Variants in RBFOX1 observed in about 807,000 individuals in gnomAD.
The protein encoded by RBFOX1 is RNA binding protein fox-1 homolog 1.
In RBFOX1, 8 loss-of-function variants were observed where a neutral mutation model predicts 57.7. That is an observed-to-expected ratio of 0.14 (90% confidence interval 0.08 to 0.25). The LOEUF (loss-of-function observed/expected upper bound fraction) is 0.25, where lower values mean the gene tolerates loss of function less well. Among genes scored for constraint, RBFOX1 ranks in the 10% least tolerant of loss-of-function variants. RBFOX1 has a pLI of 1.00. For synonymous variants in RBFOX1, 326 were observed against 222.4 expected (o/e 1.47, Z -4.15); for missense variants, 611 against 548.5 (o/e 1.11, Z -1.14).
At chr16:6,641,261 T>C (rs1198114169) in intron 2 of RBFOX1, among the ~76,000 whole-genome samples, 1 of 152,166 alleles carries the variant, frequency 6.6e-6, no homozygotes, top group East Asian at 1.9e-4. Context: ...ACATTCCTGT[T>C]GACGTCAGAG....
intron 5 of RBFOX1, among the ~76,000 whole-genome samples, chr16:7,575,666 A>G (rs1041981994): frequency 1.3e-5 from 2 of 152,196 alleles, no homozygotes; most frequent in African/African-American, 4.8e-5. Context: ...CTACAACTAC[A>G]GGAGAATGAA....
rs143958860 is a variant in RBFOX1, at chr16:7,136,541, G to A, written c.27+84443G>A. ...CTAACCTCATCCGCTCGAGTAGCTGGGATTACAGGTGCACGCCACCACACC... is the reference window on the plus strand; with the variant it reads ...CTAACCTCATCCGCTCGAGTAGCTGAGATTACAGGTGCACGCCACCACACC... On this transcript the variant is annotated intron_variant, in intron 4 of 15. Coordinates refer to ENST00000550418, the MANE Select transcript of RBFOX1 (RefSeq NM_018723.4). Among the ~76,000 whole-genome samples, 384 of 151,832 alleles carry A rather than the reference G, an allele frequency of 2.5e-3. 2 individuals carry two copies. The highest frequency in any genetic ancestry group is 8.6e-3 in the African/African-American group (354 of 41,356).
In RBFOX1 at chr16:7,710,163, C is replaced by T. The variant is rs140480319; in HGVS notation, c.1072-460C>T. ...TCCCTTCTCAAGATCAGATTCCATA[C>T]AGCTTACAGAGCCAAGTTAAGTAAG... On this transcript the variant is annotated intron_variant, in intron 15 of 15. Transcript: ENST00000550418. 4.9e-6 allele frequency: 5 copies of T among 1,029,568 alleles called. No homozygotes were observed. The African/African-American group carries it at 5.2e-5, about 11-fold the overall frequency. The allele number at this position is 1,029,568 out of a possible 1,614,324, so 63.8% of individuals were successfully genotyped here.
intron 3 of RBFOX1, among the ~76,000 whole-genome samples, chr16:6,857,103 A>G (rs1395896641): frequency 6.6e-6 from 1 of 152,158 alleles, no homozygotes; most frequent in East Asian, 1.9e-4. Flanking sequence ...GATTGCTTCA[A>G]AAACCCTGAC....
At chr16:7,396,647 C>A (rs537560420) in intron 4 of RBFOX1, among the ~76,000 whole-genome samples, 119 of 152,298 alleles carry the variant, frequency 7.8e-4, no homozygotes, top group African/African-American at 2.7e-3. Context: ...CTTCTCAAAA[C>A]ACAGCAGGTG....
intron 2 of RBFOX1, among the ~76,000 whole-genome samples, chr16:6,378,935 G>C (rs763914203): frequency 7.2e-5 from 11 of 152,150 alleles, no homozygotes; most frequent in Non-Finnish European, 1.5e-4. Context: ...CACTGATCTT[G>C]TTGAGAGAGG....
chr16:6,144,966 C>G (rs1395373654), intron 1 of RBFOX1, among the ~76,000 whole-genome samples: 1 of 152,036 alleles, frequency 6.6e-6, no homozygotes, highest in Non-Finnish European at 1.5e-5. Flanking sequence ...CAAGAGAAGT[C>G]CTGGACATCA....
chr16:6,812,333 C>T (rs2088882688), intron 3 of RBFOX1, among the ~76,000 whole-genome samples: 1 of 152,110 alleles, frequency 6.6e-6, no homozygotes, highest in Non-Finnish European at 1.5e-5. Flanking sequence ...AAACACAATG[C>T]AAAGTGCCAA....
At chr16:6,620,130 C>T (rs2098206479) in intron 2 of RBFOX1, among the ~76,000 whole-genome samples, 1 of 152,078 alleles carries the variant, frequency 6.6e-6, no homozygotes, top group South Asian at 2.1e-4. Flanking sequence ...TTAGGTTAAA[C>T]TGAAATCATA....
chr16:5,425,512 G>A (rs1002709261), intron 1 of RBFOX1, among the ~76,000 whole-genome samples: 1 of 152,182 alleles, frequency 6.6e-6, no homozygotes, highest in African/African-American at 2.4e-5. Flanking sequence ...CAGGGAAAGA[G>A]GACCCAGAGA....
chr16:5,685,816 A>G (rs1441969064), intron 3 of RBFOX1, among the ~76,000 whole-genome samples: 5 of 152,216 alleles, frequency 3.3e-5, no homozygotes, highest in Non-Finnish European at 7.3e-5. Context: ...CTGAAGATGT[A>G]TGCTCCTAGT....
intron 4 of RBFOX1, among the ~76,000 whole-genome samples, chr16:7,342,188 C>G (rs1568309022): frequency 6.6e-6 from 1 of 152,160 alleles, no homozygotes; most frequent in Non-Finnish European, 1.5e-5. Flanking sequence ...GTTGCTTGAC[C>G]TCTCTGAACC....
At chr16:6,829,246 GA>G (rs60363543) in intron 3 of RBFOX1, among the ~76,000 whole-genome samples, 78,242 of 141,392 alleles carry the variant, frequency 0.55, 20,851 homozygotes, top group East Asian at 0.61. Flanking sequence ...AATGCAGTCA[GA>G]AAAAAAAAAA....
chr16:6,866,183 C>T (rs528819384), intron 3 of RBFOX1, among the ~76,000 whole-genome samples: 1 of 151,932 alleles, frequency 6.6e-6, no homozygotes, highest in East Asian at 1.9e-4. Flanking sequence ...CTTTGCTCAC[C>T]TTATCTCTGG....
chr16:7,543,626 A>G (rs1331552920), intron 5 of RBFOX1, among the ~76,000 whole-genome samples: 1 of 151,682 alleles, frequency 6.6e-6, no homozygotes, highest in Non-Finnish European at 1.5e-5. Context: ...ATTTCTTAAC[A>G]GCTGTATTTT....
intron 3 of RBFOX1, among the ~76,000 whole-genome samples, chr16:7,001,773 G>T (rs2092830826): frequency 6.6e-6 from 1 of 151,968 alleles, no homozygotes. Flanking sequence ...TTTGTTTTTA[G>T]AAGCTTTTCA....
intron 4 of RBFOX1, among the ~76,000 whole-genome samples, chr16:7,194,929 C>CAAAAA (rs59919051): frequency 0.068 from 9,111 of 133,828 alleles, 427 homozygotes; most frequent in Non-Finnish European, 0.1. Context: ...CCCTGTTTCA[C>CAAAAA]AAAAAAAAAA....
At chr16:7,109,273 A>G (rs561349398) in intron 4 of RBFOX1, among the ~76,000 whole-genome samples, 156 of 152,306 alleles carry the variant, frequency 1.0e-3, no homozygotes, top group African/African-American at 3.6e-3. Context: ...GCAAACGTCT[A>G]CAAAGGTTGC....
intron 2 of RBFOX1, among the ~76,000 whole-genome samples, chr16:6,440,474 T>C (rs1206457154): frequency 6.6e-6 from 1 of 151,922 alleles, no homozygotes; most frequent in Non-Finnish European, 1.5e-5. Context: ...GGCTGAGAAA[T>C]TAGGAAAGAG....
Sources: gnomAD v4.1 joint callset for allele counts (sites outside exome capture counted in the v4.1 genomes callset) on GRCh38, gnomAD v4.1.1 for gene constraint, MANE v1.5 for transcripts, NCBI Gene and HGNC (gene_info 2026-07-23, HGNC 2026-07-21) for gene names.